The following GPR83 variants were observed in gnomAD, a reference collection of about 807,000 sequenced individuals.
GPR83 encodes the protein G protein-coupled receptor 83.
In GPR83, 23 loss-of-function variants were observed where a neutral mutation model predicts 28.0. The ratio of observed to expected loss-of-function variants is 0.82; its 90% confidence interval spans 0.59 to 1.16. GPR83 has a LOEUF of 1.16. Ranked by LOEUF, GPR83 falls within the 50% of genes most tolerant of loss-of-function variation. The probability of loss-of-function intolerance (pLI) is 0.00; values close to 1 mark genes in which losing one functional copy is unlikely to be tolerated. For synonymous variants in GPR83, 234 were observed against 215.4 expected, an observed-to-expected ratio of 1.09 and a Z score of -0.76; for missense variants, 610 against 536.6, an observed-to-expected ratio of 1.14 and a Z score of -1.35.
At chr11:94,386,072 C>A (rs1591602637) in intron 3 of GPR83, among the ~76,000 whole-genome samples, 1 of 152,104 alleles carries the variant, frequency 6.6e-6, no homozygotes, top group Non-Finnish European at 1.5e-5. Context: ...GAATTTTCAA[C>A]CCAAAATTTC....
intron 3 of GPR83, among the ~76,000 whole-genome samples, chr11:94,390,077 A>G (rs983047914): frequency 6.6e-6 from 1 of 151,908 alleles, no homozygotes; most frequent in East Asian, 1.9e-4. Flanking sequence ...AGGACAAAAA[A>G]CCAAACACCG....
chr11:94,391,688 A>T (rs1441414132), intron 3 of GPR83, among the ~76,000 whole-genome samples: 1 of 152,228 alleles, frequency 6.6e-6, no homozygotes. Flanking sequence ...TTCTCAGAAG[A>T]AGACATTTAT....
chr11:94,387,792 A>G (rs1455423851), intron 3 of GPR83, among the ~76,000 whole-genome samples: 1 of 151,650 alleles, frequency 6.6e-6, no homozygotes, highest in African/African-American at 2.4e-5. Flanking sequence ...TATTCCAATC[A>G]ATAGAAAAAG....
At chr11:94,386,465 A>G (rs1944757090) in intron 3 of GPR83, among the ~76,000 whole-genome samples, 1 of 152,228 alleles carries the variant, frequency 6.6e-6, no homozygotes, top group African/African-American at 2.4e-5. Flanking sequence ...TCTCATGTGC[A>G]GAGACACATA....
At chr11:94,399,055 C>G (rs550032878) in intron 1 of GPR83, among the ~76,000 whole-genome samples, 1 of 152,306 alleles carries the variant, frequency 6.6e-6, no homozygotes, top group African/African-American at 2.4e-5. Context: ...CTTCTTGTGT[C>G]TGCTGCAGAT....
intron 3 of GPR83, among the ~76,000 whole-genome samples, chr11:94,389,414 CA>C (rs1944792459): frequency 1.3e-5 from 2 of 152,280 alleles, no homozygotes; most frequent in Middle Eastern, 3.4e-3. Context: ...AAAATTTTTG[CA>C]ATCTACTCAT....
rs1177001909 is a variant in GPR83 at position 94,380,097 on chromosome 11, T to C, written c.*52A>G. The C allele has an allele frequency of 2.8e-6, 4 of 1,410,574 alleles. No homozygotes were observed. Among genetic ancestry groups the C allele is most frequent in the Non-Finnish European group, 3.8e-6 (4 of 1,050,820 alleles). 87.4% of individuals were successfully genotyped at this position (1,410,574 alleles called of 1,614,324 possible). A position where few individuals can be genotyped will look rare whatever the true frequency, so the allele number is the denominator to read the frequency against. Reference sequence around the variant, plus strand: ...ATCATGTGTGAGAATAGGCTCTCTTTCCCTGCCTCAGGTGGAGACAGACCC... The same window carrying C: ...ATCATGTGTGAGAATAGGCTCTCTTCCCCTGCCTCAGGTGGAGACAGACCC... On this transcript the variant is annotated 3_prime_UTR_variant, in exon 4 of 4. Transcript: ENST00000243673.
intron 3 of GPR83, among the ~76,000 whole-genome samples, chr11:94,390,139 G>T (rs1944802356): frequency 6.6e-6 from 1 of 151,648 alleles, no homozygotes; most frequent in Admixed American, 6.6e-5. Context: ...TTGGACACAG[G>T]AAGGGGAATA....
chr11:94,389,277 G>T (rs929950409), intron 3 of GPR83, among the ~76,000 whole-genome samples: 1 of 152,174 alleles, frequency 6.6e-6, no homozygotes, highest in South Asian at 2.1e-4. Flanking sequence ...AGGACTTCAT[G>T]TCTAAAACAC....
intron 3 of GPR83, among the ~76,000 whole-genome samples, chr11:94,383,125 T>G (rs1944711114): frequency 6.7e-6 from 1 of 149,938 alleles, no homozygotes; most frequent in Non-Finnish European, 1.5e-5. Context: ...CACTCCAGCC[T>G]GGGCGACAGA....
In GPR83 at chr11:94,393,620, T is replaced by C. The variant is rs1225246457; in HGVS notation, c.514-2A>G. ...GGGTTTCAAGGGGTGCATGATGACC[T>C]GGAAAACAAGCAAACCACATCACTA... On this transcript the variant is annotated splice_acceptor_variant, in intron 2 of 3. Coordinates refer to ENST00000243673, the MANE Select transcript of GPR83 (RefSeq NM_016540.4). LOFTEE classifies it high-confidence loss of function. 2.5e-6 allele frequency: 4 copies of C among 1,613,696 alleles called. No homozygotes were observed. The highest frequency in any genetic ancestry group is 2.2e-5 in the East Asian group (1 of 44,864).
At chr11:94,386,666 G>C in intron 3 of GPR83, among the ~76,000 whole-genome samples, 1 of 152,168 alleles carries the variant, frequency 6.6e-6, no homozygotes, top group South Asian at 2.1e-4. Context: ...GGAGCACCCA[G>C]ATTCATAAAG....
At chr11:94,384,027 C>CAAAAAAAAAGAA (rs1565184514) in intron 3 of GPR83, among the ~76,000 whole-genome samples, 1 of 150,448 alleles carries the variant, frequency 6.6e-6, no homozygotes, top group African/African-American at 2.4e-5. Flanking sequence ...AGAGACACAA[C>CAAAAAAAAAGAA]AAAAAAAAAG....
At chr11:94,384,527 C>T (rs142644705) in intron 3 of GPR83, among the ~76,000 whole-genome samples, 14 of 152,238 alleles carry the variant, frequency 9.2e-5, no homozygotes, top group Admixed American at 4.6e-4. Flanking sequence ...AAGCATGAGC[C>T]GAAGCAGGGC....
chr11:94,381,583 G>A (rs749996189), intron 3 of GPR83, among the ~76,000 whole-genome samples: 8 of 107,716 alleles, frequency 7.4e-5, no homozygotes, highest in South Asian at 6.0e-4. Flanking sequence ...GTGTGTGCGC[G>A]CGTGCTGCAG....
intron 3 of GPR83, among the ~76,000 whole-genome samples, chr11:94,382,130 ATCACCTGAGG>A (rs1186086277): frequency 6.6e-6 from 1 of 152,158 alleles, no homozygotes; most frequent in African/African-American, 2.4e-5. Context: ...AGATGGGCGG[ATCACCTGAGG>A]TCAGGAGTTC....
rs61734489 is a variant in GPR83 at position 94,380,767 on chromosome 11, G to A, written c.654C>T (p.Asp218=). 2.9e-5 allele frequency: 47 copies of A among 1,607,626 alleles called. No individual in the cohort carries two copies. The highest frequency in any genetic ancestry group is 3.9e-5 in the Non-Finnish European group (46 of 1,177,322). ...CTGGCAGGCAGAGGGAGCGCACAATGTCCTCACTGGGGGCAGGAAGTGGGG... is the reference window on the plus strand; with the variant it reads ...CTGGCAGGCAGAGGGAGCGCACAATATCCTCACTGGGGGCAGGAAGTGGGG... ...QKLFTFKYSE[D]IVRSLCLPDF... Residue 218 remains aspartate, a synonymous_variant, in exon 4 of 4, where the codon GAC becomes GAT. Coordinates refer to ENST00000243673, the MANE Select transcript of GPR83 (RefSeq NM_016540.4).
At chr11:94,381,576 T>TGTGTGTGC (rs1193944009) in intron 3 of GPR83, among the ~76,000 whole-genome samples, 1 of 102,666 alleles carries the variant, frequency 9.7e-6, no homozygotes, top group African/African-American at 3.1e-5. Context: ...TGTGTGTGTG[T>TGTGTGTGC]GTGCGCGCGT....
chr11:94,399,108 T>C (rs1311591759), intron 1 of GPR83, among the ~76,000 whole-genome samples: 1 of 152,168 alleles, frequency 6.6e-6, no homozygotes, highest in Non-Finnish European at 1.5e-5. Flanking sequence ...AAAAAGGCCA[T>C]GTTCTGTGGC....
Sources: gnomAD v4.1 joint callset for allele counts (sites outside exome capture counted in the v4.1 genomes callset) on GRCh38, gnomAD v4.1.1 for gene constraint, MANE v1.5 for transcripts, NCBI Gene and HGNC (gene_info 2026-07-23, HGNC 2026-07-21) for gene names.